The following SND1 variants were observed in gnomAD, a reference collection of about 807,000 sequenced individuals.
SND1 encodes the protein staphylococcal nuclease domain-containing protein 1.
A neutral mutation model predicts 121.7 loss-of-function variants in SND1; 38 were observed. The ratio of observed to expected loss-of-function variants is 0.31; its 90% CI spans 0.24 to 0.41. SND1 has a LOEUF of 0.41. SND1 is among the 10% of genes least tolerant of loss of function. SND1 has a pLI of 1.00. For synonymous variants in SND1, 401 were observed against 447.4 expected, an observed-to-expected ratio of 0.90 and a Z score of 1.31; for missense variants, 868 against 1,184.6, an observed-to-expected ratio of 0.73 and a Z score of 3.92.
chr7:127,682,162 T>C (rs1481801415), intron 1 of SND1, among the ~76,000 whole-genome samples: 1 of 152,194 alleles, frequency 6.6e-6, no homozygotes, highest in Non-Finnish European at 1.5e-5. Flanking sequence ...TTTATCAGAA[T>C]CTAGTGAAGA....
intron 16 of SND1, among the ~76,000 whole-genome samples, chr7:128,006,327 G>C (rs1007546102): frequency 6.6e-6 from 1 of 151,822 alleles, no homozygotes; most frequent in African/African-American, 2.4e-5. Context: ...GTGTGTGTGT[G>C]CGTGCATGTG....
At chr7:127,735,327 T>C (rs1562995112) in intron 10 of SND1, among the ~76,000 whole-genome samples, 1 of 152,212 alleles carries the variant, frequency 6.6e-6, no homozygotes, top group Non-Finnish European at 1.5e-5. Flanking sequence ...GCTGTCTTTG[T>C]TACTGTAACA....
intron 15 of SND1, among the ~76,000 whole-genome samples, chr7:127,976,220 C>G (rs1235407682): frequency 6.6e-6 from 1 of 152,210 alleles, no homozygotes; most frequent in Non-Finnish European, 1.5e-5. Flanking sequence ...CCTCGCCACT[C>G]CCTCCCCTGC....
chr7:127,743,736 T>C (rs1314342807), intron 10 of SND1, among the ~76,000 whole-genome samples: 1 of 152,194 alleles, frequency 6.6e-6, no homozygotes, highest in Admixed American at 6.5e-5. Flanking sequence ...TGTGTATGTA[T>C]GCGTGTGTTA....
intron 15 of SND1, among the ~76,000 whole-genome samples, chr7:127,986,047 T>G (rs899981076): frequency 2.6e-5 from 4 of 152,336 alleles, no homozygotes; most frequent in African/African-American, 9.6e-5. Context: ...CACACTTCCC[T>G]TAGCTCCCAC....
At chr7:127,752,688 A>C (rs1797119897) in intron 10 of SND1, among the ~76,000 whole-genome samples, 1 of 152,244 alleles carries the variant, frequency 6.6e-6, no homozygotes, top group Non-Finnish European at 1.5e-5. Context: ...TGTAGCTGAA[A>C]TTAAACGTAT....
intron 9 of SND1, among the ~76,000 whole-genome samples, chr7:127,719,367 T>A (rs971648120): frequency 6.6e-6 from 1 of 152,228 alleles, no homozygotes; most frequent in Admixed American, 6.5e-5. Context: ...TTTTTGGTTA[T>A]ACTGTCTAGA....
intron 15 of SND1, among the ~76,000 whole-genome samples, chr7:127,949,824 C>T (rs900315251): frequency 6.6e-6 from 1 of 152,184 alleles, no homozygotes; most frequent in African/African-American, 2.4e-5. Context: ...GCACTAATGG[C>T]CAGCTGTGTT....
chr7:127,938,732 C>T (rs893158636), intron 15 of SND1, among the ~76,000 whole-genome samples: 11 of 152,340 alleles, frequency 7.2e-5, no homozygotes, highest in African/African-American at 2.6e-4. Flanking sequence ...CACTGCTCCA[C>T]CTTCAGCTCT....
chr7:127,721,358 G>A lies in SND1; in HGVS notation c.1110G>A (p.Leu370=). ...LNSGDYKTIH[L]SSIRPPRLEG... ...CAGGCGATTACAAGACGATTCACCT[G>A]TCCAGCATCCGACCACCGAGGCTGG... The change falls in exon 10 of 24, where the codon CTG becomes CTA. Residue 370 remains leucine (L), a synonymous_variant. Coordinates refer to ENST00000354725, the MANE Select transcript of SND1 (RefSeq NM_014390.4). The A allele has an allele frequency of 1.2e-6, 2 of 1,613,104 alleles. No homozygotes were observed. The highest frequency in any genetic ancestry group is 1.1e-5 in the South Asian group (1 of 91,034).
At chr7:127,920,896 G>A (rs568900505) in intron 14 of SND1, among the ~76,000 whole-genome samples, 170 of 148,058 alleles carry the variant, frequency 1.1e-3, no homozygotes, top group Non-Finnish European at 1.8e-3. Context: ...AATAAGCCAA[G>A]GGCATTGTAT....
intron 1 of SND1, among the ~76,000 whole-genome samples, chr7:127,659,827 A>G (rs1795277120): frequency 6.6e-6 from 1 of 152,146 alleles, no homozygotes; most frequent in African/African-American, 2.4e-5. Flanking sequence ...TTTCTCTAAC[A>G]TGAGGTTGCT....
At chr7:127,790,333 A>G (rs1172127745) in intron 10 of SND1, among the ~76,000 whole-genome samples, 1 of 152,156 alleles carries the variant, frequency 6.6e-6, no homozygotes, top group Non-Finnish European at 1.5e-5. Context: ...CTTAAACACG[A>G]TCAGCTCTTC....
At chr7:127,715,890 G>A (rs994627518) in intron 9 of SND1, among the ~76,000 whole-genome samples, 2 of 152,128 alleles carry the variant, frequency 1.3e-5, no homozygotes, top group Non-Finnish European at 2.9e-5. Flanking sequence ...TTTGTTTTTA[G>A]TTTTGGTGTT....
chr7:127,833,377 T>C (rs1295742736), intron 11 of SND1, among the ~76,000 whole-genome samples: 3 of 151,610 alleles, frequency 2.0e-5, no homozygotes, highest in Non-Finnish European at 4.4e-5. Flanking sequence ...GTGATTCTCA[T>C]GTCTCAGCCT....
intron 10 of SND1, among the ~76,000 whole-genome samples, chr7:127,771,923 A>G (rs576667634): frequency 2.0e-5 from 3 of 152,226 alleles, no homozygotes; most frequent in South Asian, 4.1e-4. Flanking sequence ...TGGGCCATCT[A>G]TTTAAAAAGA....
At chr7:127,738,301 T>TG (rs71179598) in intron 10 of SND1, among the ~76,000 whole-genome samples, 2,089 of 149,858 alleles carry the variant, frequency 0.014, 19 homozygotes, top group Middle Eastern at 0.041. Flanking sequence ...TTTTTTTTTT[T>TG]GAGATGGAGT....
In SND1 at chr7:128,052,081, G is replaced by C. The variant is rs959032247; in HGVS notation, c.1780-22421G>C. Among the ~76,000 whole-genome samples the C allele has an allele frequency of 3.3e-5, 5 of 152,182 alleles. No individual in the cohort carries two copies. Among genetic ancestry groups the C allele is most frequent in the Middle Eastern group, 3.2e-3 (1 of 316 alleles). On this transcript the variant is annotated intron_variant, in intron 16 of 23. Coordinates refer to ENST00000354725, the MANE Select transcript of SND1 (RefSeq NM_014390.4). This position sits in a 1 kb window ranked among gnomAD's most constrained non-coding sequence, Gnocchi z 4.6. The stretch of plus-strand genomic sequence containing the variant: ...GAAGTTGATAGACACCGATATCAGA[G>C]GTGTAAGGATGACATTTGCTTTGGG...
intron 16 of SND1, among the ~76,000 whole-genome samples, chr7:128,054,376 G>C (rs552587340): frequency 2.6e-5 from 4 of 152,174 alleles, no homozygotes; most frequent in African/African-American, 9.7e-5. Context: ...CCATATCTAT[G>C]GTAAGTGCTG....
Sources: allele counts gnomAD v4.1 joint callset (sites outside exome capture counted in the v4.1 genomes callset), GRCh38; gene constraint gnomAD v4.1.1; non-coding constraint Gnocchi (gnomAD v3.1); transcripts MANE v1.5; gene names NCBI Gene and HGNC (gene_info 2026-07-23, HGNC 2026-07-21).